TLCD4: variants seen among roughly 807,000 people sequenced by gnomAD.
TLCD4 encodes TLC domain containing 4.
A neutral mutation model predicts 24.2 loss-of-function variants in TLCD4; 7 were observed. The ratio of observed to expected loss-of-function variants is 0.29; its 90% CI spans 0.16 to 0.54. TLCD4 has a LOEUF of 0.54. Among genes scored for constraint, TLCD4 ranks in the 20% least tolerant of loss-of-function variants. The pLI, the probability that TLCD4 is intolerant of heterozygous loss-of-function variation, is 0.95. For missense variants in TLCD4, 259 were observed against 313.9 expected (o/e 0.82, Z 1.32); for synonymous variants, 103 against 106.4 (o/e 0.97, Z 0.20).
chr1:95,126,392 C>T (rs1033395379), intron 1 of TLCD4, among the ~76,000 whole-genome samples: 3 of 149,374 alleles, frequency 2.0e-5, no homozygotes, highest in Non-Finnish European at 3.0e-5. Flanking sequence ...CACTCCACTG[C>T]ACTCCAGCCC....
At position 95,165,451 on chromosome 1, in the gene TLCD4, ATG is replaced by A. The variant is rs200603319; in HGVS notation, c.400-8349_400-8348del. Among the ~76,000 whole-genome samples, 1,373 of 145,960 alleles carry A rather than the reference ATG, an allele frequency of 9.4e-3. 31 individuals are homozygous for A. Among genetic ancestry groups the A allele is most frequent in the African/African-American group, 0.03 (1,159 of 38,870 alleles). Reference sequence around the variant, plus strand: ...TGAGTGGAATTCTTGGGCAAATAGTATGTGTGTGTGTGTGTGTTTTTTTTTTT... The same window carrying A: ...TGAGTGGAATTCTTGGGCAAATAGTATGTGTGTGTGTGTGTTTTTTTTTTT... On this transcript the variant is annotated intron_variant, in intron 5 of 6. Coordinates refer to ENST00000370203, the MANE Select transcript of TLCD4 (RefSeq NM_152487.3).
At chr1:95,180,766 C>T (rs531445269) in intron 6 of TLCD4, among the ~76,000 whole-genome samples, 13 of 152,260 alleles carry the variant, frequency 8.5e-5, no homozygotes, top group African/African-American at 3.1e-4. Context: ...AAAAGCTTTG[C>T]ACCTGTGTTT....
intron 6 of TLCD4, among the ~76,000 whole-genome samples, chr1:95,186,522 AAGT>A (rs1162071882): frequency 6.6e-6 from 1 of 152,192 alleles, no homozygotes; most frequent in Non-Finnish European, 1.5e-5. Context: ...AAGGTCAAAG[AAGT>A]AGTTTAGGTG....
chr1:95,189,365 A>T (rs1329186459), intron 6 of TLCD4, among the ~76,000 whole-genome samples: 1 of 152,068 alleles, frequency 6.6e-6, no homozygotes, highest in Non-Finnish European at 1.5e-5. Flanking sequence ...TTCTTTTGTC[A>T]CTGTTTGCAT....
At chr1:95,107,938 C>A in the TLCD4 span, among the ~76,000 whole-genome samples, 1 of 152,116 alleles carries the variant, frequency 6.6e-6, no homozygotes, top group South Asian at 2.1e-4. Flanking sequence ...GAGATGAATG[C>A]TCCTAAGTCA....
At chr1:95,111,157 G>A in the TLCD4 span, among the ~76,000 whole-genome samples, 5 of 151,922 alleles carry the variant, frequency 3.3e-5, no homozygotes, top group East Asian at 5.8e-4. Flanking sequence ...GATTATCTGG[G>A]TGTGGTAGTG....
At chr1:95,183,856 C>CAA (rs1382716916) in intron 6 of TLCD4, among the ~76,000 whole-genome samples, 2 of 150,532 alleles carry the variant, frequency 1.3e-5, no homozygotes, top group African/African-American at 4.9e-5. Context: ...ACATAAAAAA[C>CAA]AAAAACAAAA....
At chr1:95,146,459 T>TA (rs1677351472) in intron 2 of TLCD4, among the ~76,000 whole-genome samples, 1 of 152,174 alleles carries the variant, frequency 6.6e-6, no homozygotes, top group Admixed American at 6.5e-5. Flanking sequence ...ATTAGTAACT[T>TA]AAAATTGCTA....
the TLCD4 span, among the ~76,000 whole-genome samples, chr1:95,105,893 TTA>T: frequency 8.7e-5 from 9 of 102,860 alleles, no homozygotes; most frequent in Non-Finnish European, 1.9e-4. Flanking sequence ...AGACTCCGTC[TTA>T]AAAAAAAAAA....
At chr1:95,174,836 C>T (rs1018610452) in intron 6 of TLCD4, among the ~76,000 whole-genome samples, 3 of 152,066 alleles carry the variant, frequency 2.0e-5, no homozygotes, top group Non-Finnish European at 4.4e-5. Flanking sequence ...AGTGCAATGG[C>T]GCCATCTCTG....
chr1:95,139,549 C>T (rs1279369740), intron 1 of TLCD4, among the ~76,000 whole-genome samples: 1 of 145,956 alleles, frequency 6.9e-6, no homozygotes, highest in East Asian at 2.1e-4. Flanking sequence ...GCCTCCGTCT[C>T]CCAGGTTCAA....
chr1:95,192,799 A>G lies in TLCD4; in HGVS notation c.*931A>G, dbSNP rs1169510327. ...TTCCCACATTTTAAGATTTTTTCAA[A>G]TATCACTGTCATTTCTATTTTAGCA... On this transcript the variant is annotated 3_prime_UTR_variant, in exon 7 of 7. Transcript: ENST00000370203. 1 of 151,974 alleles carries G rather than the reference A, an allele frequency of 6.6e-6. No individual in the cohort carries two copies. Among genetic ancestry groups the G allele is most frequent in the African/African-American group, 2.4e-5 (1 of 41,370 alleles). The allele number at this position is 151,974 out of a possible 1,614,324, so 9.4% of individuals were successfully genotyped here. A position where few individuals can be genotyped will look rare whatever the true frequency, so the allele number is the denominator to read the frequency against.
intron 1 of TLCD4, among the ~76,000 whole-genome samples, chr1:95,124,399 G>A (rs1557677092): frequency 6.6e-6 from 1 of 152,126 alleles, no homozygotes; most frequent in Non-Finnish European, 1.5e-5. Context: ...TCCAGAAGGC[G>A]AGAAAAATTT....
At chr1:95,123,121 C>T (rs754371291) in intron 1 of TLCD4, among the ~76,000 whole-genome samples, 2 of 152,138 alleles carry the variant, frequency 1.3e-5, no homozygotes, top group Non-Finnish European at 2.9e-5. Flanking sequence ...GGACATGATT[C>T]TTAAAACTAG....
chr1:95,144,595 G>GT (rs199622981), intron 2 of TLCD4, among the ~76,000 whole-genome samples: 3,704 of 145,704 alleles, frequency 0.025, 161 homozygotes, highest in African/African-American at 0.084. Context: ...TTTCTTTTTA[G>GT]TTTTTTTTTT....
At chr1:95,141,472 A>C (rs1677196179) in intron 1 of TLCD4, among the ~76,000 whole-genome samples, 1 of 152,156 alleles carries the variant, frequency 6.6e-6, no homozygotes, top group Non-Finnish European at 1.5e-5. Flanking sequence ...CTCACATTTA[A>C]GATTAGATTC....
At chr1:95,144,190 G>A in intron 2 of TLCD4, 134 bp downstream of exon 2, 1 of 1,120,258 alleles carries the variant, frequency 8.9e-7, no homozygotes, top group Non-Finnish European at 1.1e-6. Context: ...GAAATAAAAG[G>A]AAAAACAAGT....
At chr1:95,117,820 T>C (rs1459977667) in intron 1 of TLCD4, 1 of 150,870 alleles carries the variant, frequency 6.6e-6, no homozygotes. Context: ...CCGGGCGGGC[T>C]CCGGCAGGTG....
intron 1 of TLCD4, among the ~76,000 whole-genome samples, chr1:95,130,874 C>T (rs576757155): frequency 4.1e-4 from 63 of 152,200 alleles, no homozygotes; most frequent in African/African-American, 1.3e-3. Flanking sequence ...GTACTTTTTG[C>T]TGTTGGACAT....
Sources: allele counts gnomAD v4.1 joint callset (sites outside exome capture counted in the v4.1 genomes callset), GRCh38; gene constraint gnomAD v4.1.1; transcripts MANE v1.5; gene names NCBI Gene and HGNC (gene_info 2026-07-23, HGNC 2026-07-21).